Variants in GALNT9 observed in about 807,000 individuals in gnomAD.
GALNT9 encodes polypeptide N-acetylgalactosaminyltransferase 9.
Under a neutral mutation model 63.1 loss-of-function variants are expected in GALNT9, and 47 were observed. The ratio of observed to expected loss-of-function variants is 0.75; its 90% CI spans 0.59 to 0.95. The LOEUF is 0.95. Ranked by LOEUF, GALNT9 falls within the 40% of genes least tolerant of loss-of-function variation. The pLI is 0.00. For synonymous variants in GALNT9, 396 were observed against 365.7 expected, an observed-to-expected ratio of 1.08 and a Z score of -0.94; for missense variants, 829 against 874.8, an observed-to-expected ratio of 0.95 and a Z score of 0.66.
chr12:132,230,800 G>A (rs1416945657), intron 6 of GALNT9, among the ~76,000 whole-genome samples: 6 of 152,240 alleles, frequency 3.9e-5, no homozygotes, highest in African/African-American at 1.4e-4. Flanking sequence ...CCGGGTTAAT[G>A]GATCGATTTA....
chr12:132,203,805 C>G, intron 6 of GALNT9, 115 bp from the exon 7 acceptor site: 1 of 1,136,828 alleles, frequency 8.8e-7, no homozygotes, highest in African/African-American at 1.9e-5. Flanking sequence ...GGGGCACCCC[C>G]ACCACCGACG....
chr12:132,199,169 C>T lies in GALNT9; in HGVS notation c.1497+5G>A. The stretch of plus-strand genomic sequence containing the variant: ...AGCTGCATGGGTGGCCGCTGCTACT[C>T]CTACCTGGGAGGACATCCCGTGGCA... On this transcript the variant is annotated splice_donor_5th_base_variant and intron_variant, in intron 9 of 10. Transcript: ENST00000328957. 7 of 1,588,916 alleles carry T rather than the reference C, an allele frequency of 4.4e-6. No individual in the cohort carries two copies. The highest frequency in any genetic ancestry group is 6.0e-6 in the Non-Finnish European group (7 of 1,167,292).
chr12:132,296,071 GGAACAGGGAGAGCCTCC>G lies in GALNT9; in HGVS notation c.239-9658_239-9642del, dbSNP rs1475764772. Reference sequence around the variant, plus strand: ...GAGCCTCTGAACAGGGAGAGGCTCCGGAACAGGGAGAGCCTCCGAACAGGGAGAGCCTCCGAACAGGG... The same window carrying G: ...GAGCCTCTGAACAGGGAGAGGCTCCGGAACAGGGAGAGCCTCCGAACAGGG... On this transcript the variant is annotated intron_variant, in intron 1 of 10. Coordinates refer to ENST00000328957, the MANE Select transcript of GALNT9 (RefSeq NM_001122636.2). The surrounding 1 kb of genome is among the most constrained non-coding windows in gnomAD (Gnocchi z 4.2). Among the ~76,000 whole-genome samples the G allele has an allele frequency of 3.6e-4, 52 of 145,216 alleles. No homozygotes were observed. Among genetic ancestry groups the G allele is most frequent in the Middle Eastern group, 3.8e-3 (1 of 262 alleles).
intron 2 of GALNT9, among the ~76,000 whole-genome samples, chr12:132,268,150 A>G (rs560742253): frequency 6.7e-6 from 1 of 148,534 alleles, no homozygotes; most frequent in Non-Finnish European, 1.5e-5. Context: ...CACACACGCA[A>G]TCTCACACAA....
intron 6 of GALNT9, among the ~76,000 whole-genome samples, chr12:132,210,478 G>A (rs1218794029): frequency 2.0e-5 from 3 of 152,210 alleles, no homozygotes; most frequent in Non-Finnish European, 4.4e-5. Flanking sequence ...CACTCATCAC[G>A]TGTGGGTGCA....
intron 6 of GALNT9, chr12:132,247,508 C>A: frequency 2.3e-6 from 1 of 433,542 alleles, no homozygotes; most frequent in Non-Finnish European, 4.6e-6. Context: ...CTGCCTCAGC[C>A]TAGGCTCTGG....
chr12:132,221,051 CAAAAAA>C (rs550355613), intron 6 of GALNT9, among the ~76,000 whole-genome samples: 5 of 71,004 alleles, frequency 7.0e-5, no homozygotes, highest in African/African-American at 3.2e-4. Flanking sequence ...GAGATTGTGT[CAAAAAA>C]AAAAAAAAAA....
At chr12:132,302,576 C>A (rs1176109873) in intron 1 of GALNT9, among the ~76,000 whole-genome samples, 3 of 152,240 alleles carry the variant, frequency 2.0e-5, no homozygotes, top group Non-Finnish European at 4.4e-5. Flanking sequence ...TGGGGCAGGT[C>A]CAGGTGGCCC....
chr12:132,288,004 GA>G lies in GALNT9; in HGVS notation c.239-1575del, dbSNP rs150084886. Among the ~76,000 whole-genome samples, 465 of 152,352 alleles carry G rather than the reference GA, an allele frequency of 3.1e-3. 5 individuals carry two copies. The highest frequency in any genetic ancestry group is 0.011 in the African/African-American group (441 of 41,572). ...GCTGCCTTTTGTCAGCTTGCACAGA[GA>G]GGTCTCTGGTCCTCGGAGGAAGGCC... On this transcript the variant is annotated intron_variant, in intron 1 of 10. Coordinates refer to ENST00000328957, the MANE Select transcript of GALNT9 (RefSeq NM_001122636.2).
intron 5 of GALNT9, among the ~76,000 whole-genome samples, chr12:132,255,870 G>A (rs907723348): frequency 1.4e-4 from 22 of 152,132 alleles, no homozygotes; most frequent in Non-Finnish European, 2.8e-4. Context: ...TTCACGCTGG[G>A]TGTCCACCAT....
chr12:132,312,065 G>C (rs79313882), intron 1 of GALNT9, among the ~76,000 whole-genome samples: 21,733 of 152,160 alleles, frequency 0.14, 1,831 homozygotes, highest in South Asian at 0.24. Context: ...TTTCATTACA[G>C]ACTGGTCTTT....
chr12:132,215,657 G>A (rs1003271615), intron 6 of GALNT9, among the ~76,000 whole-genome samples: 1 of 152,236 alleles, frequency 6.6e-6, no homozygotes, highest in Non-Finnish European at 1.5e-5. Flanking sequence ...GTATCATCAG[G>A]ACACACATGC....
intron 6 of GALNT9, among the ~76,000 whole-genome samples, chr12:132,207,417 TGGCGCTGG>T (rs889111044): frequency 5.3e-5 from 8 of 152,264 alleles, no homozygotes; most frequent in African/African-American, 1.9e-4. Flanking sequence ...GGGCCTTCTG[TGGCGCTGG>T]GGCGATTCCA....
chr12:132,324,390 G>A (rs1868941661), intron 1 of GALNT9, among the ~76,000 whole-genome samples: 1 of 152,178 alleles, frequency 6.6e-6, no homozygotes, highest in South Asian at 2.1e-4. Flanking sequence ...CTCCTACCTG[G>A]CCCTCACTCA....
intron 2 of GALNT9, among the ~76,000 whole-genome samples, chr12:132,267,850 A>G (rs1879688878): frequency 9.2e-6 from 1 of 109,110 alleles, no homozygotes; most frequent in African/African-American, 4.8e-5. Context: ...CATACAACCC[A>G]CATGCACACA....
intron 2 of GALNT9, chr12:132,283,673 G>C (rs1033220346): frequency 6.6e-6 from 1 of 152,258 alleles, no homozygotes; most frequent in African/African-American, 2.4e-5. Context: ...CATGGTCACC[G>C]AGGCTCGGGG....
chr12:132,263,326 C>T (rs1007682861), intron 2 of GALNT9, among the ~76,000 whole-genome samples: 1 of 152,254 alleles, frequency 6.6e-6, no homozygotes, highest in Admixed American at 6.5e-5. Flanking sequence ...GAAAACGTCA[C>T]TCCACTCATC....
At chr12:132,233,194 C>G (rs1183624041) in intron 6 of GALNT9, among the ~76,000 whole-genome samples, 6 of 31,256 alleles carry the variant, frequency 1.9e-4, no homozygotes, top group Admixed American at 3.6e-4. Context: ...GATGGGGCGA[C>G]AGAGGAGACA....
rs578226947 is a variant in GALNT9, at chr12:132,255,516, C to T, written c.959+2173G>A. Among the ~76,000 whole-genome samples, 20 of 152,322 alleles carry T rather than the reference C, an allele frequency of 1.3e-4. No individual in the cohort carries two copies. In the South Asian group the frequency reaches 3.9e-3, roughly 30 times the overall value. ...TCCTTCTGAAGCTCCTTCTGAAGCC[C>T]GCTACCTGGAGGCTTCATCTGCATC... On this transcript the variant is annotated intron_variant, in intron 5 of 10. Transcript: ENST00000328957.
Sources: gnomAD v4.1 joint callset for allele counts (sites outside exome capture counted in the v4.1 genomes callset) on GRCh38, gnomAD v4.1.1 for gene constraint, Gnocchi (gnomAD v3.1) non-coding constraint, MANE v1.5 for transcripts, NCBI Gene and HGNC (gene_info 2026-07-23, HGNC 2026-07-21) for gene names.